PCDHGA6: variants seen among roughly 807,000 people sequenced by gnomAD.
PCDHGA6 encodes the protein protocadherin gamma subfamily A, 6.
PCDHGA6 carries 41 observed loss-of-function variants against 60.6 expected under a neutral mutation model. That is an observed-to-expected ratio of 0.68 (90% CI 0.53 to 0.88). PCDHGA6 has a LOEUF of 0.88. PCDHGA6 is among the 40% of genes least tolerant of loss of function. PCDHGA6 has a pLI of 0.00. For missense variants in PCDHGA6, 1,312 were observed against 1,203.0 expected, an observed-to-expected ratio of 1.09 and a Z score of -1.34; for synonymous variants, 594 against 524.4, an observed-to-expected ratio of 1.13 and a Z score of -1.81.
At chr5:141,410,086 G>T in intron 1 of PCDHGA6, 1 of 1,612,588 alleles carries the variant, frequency 6.2e-7, no homozygotes, top group Non-Finnish European at 8.5e-7. Flanking sequence ...AGGTGCGCAC[G>T]GCTCGAGCCT....
chr5:141,432,069 A>T lies in PCDHGA6; in HGVS notation c.2424+55562A>T. ...ACCCCGCCCCTATCCACGGAAACTC[A>T]TATCTCGCTGAACGTGGCAGACACC... is the stretch of plus-strand genomic sequence containing the variant. On this transcript the variant is annotated intron_variant, in intron 1 of 3. Coordinates refer to ENST00000517434, the MANE Select transcript of PCDHGA6 (RefSeq NM_018919.3). This position sits in a 1 kb window ranked among gnomAD's most constrained non-coding sequence, Gnocchi z 6.0. The T allele has an allele frequency of 6.2e-7, 1 of 1,614,168 alleles. No homozygotes were observed. The highest frequency in any genetic ancestry group is 8.5e-7 in the Non-Finnish European group (1 of 1,180,038).
At position 141,491,049 on chromosome 5, in the gene PCDHGA6, G is replaced by C; in HGVS notation, c.2425-3758G>C. The C allele has an allele frequency of 1.2e-6, 2 of 1,614,116 alleles. No homozygotes were observed. Among genetic ancestry groups the C allele is most frequent in the Admixed American group, 3.3e-5 (2 of 60,024 alleles). On this transcript the variant is annotated intron_variant, in intron 1 of 3. Transcript: ENST00000517434. This position sits in a 1 kb window ranked among gnomAD's most constrained non-coding sequence, Gnocchi z 6.9. ...TGGATGCTGATGCAGGCCACAATGC[G>C]TGGCTCTCCTACTCACTGTTGCCAC...
rs1029546280 is a variant in PCDHGA6 at position 141,423,551 on chromosome 5, A to G, written c.2424+47044A>G. On this transcript the variant is annotated intron_variant, in intron 1 of 3. Coordinates refer to ENST00000517434, the MANE Select transcript of PCDHGA6 (RefSeq NM_018919.3). ...AGTCACCTGATTTTCCCCCAGCCCA[A>G]CTATGGGGACACGCTCATCAGCCAG... The G allele has an allele frequency of 2.5e-6, 4 of 1,613,498 alleles. No individual in the cohort carries two copies. The African/African-American group carries it at 5.3e-5, about 22-fold the overall frequency.
In PCDHGA6 at chr5:141,486,341, C is replaced by T; in HGVS notation, c.2425-8466C>T. On this transcript the variant is annotated intron_variant, in intron 1 of 3. Coordinates refer to ENST00000517434, the MANE Select transcript of PCDHGA6 (RefSeq NM_018919.3). The surrounding 1 kb of genome is among the most constrained non-coding windows in gnomAD (Gnocchi z 5.0). ...AAACGGAGATGTGAGCCTCCGCATTCCTGACCACTTGCCATTTGCCCTCAA... is the reference window on the plus strand; with the variant it reads ...AAACGGAGATGTGAGCCTCCGCATTTCTGACCACTTGCCATTTGCCCTCAA... The T allele has an allele frequency of 6.2e-7, 1 of 1,614,128 alleles. No individual in the cohort carries two copies. Among genetic ancestry groups the T allele is most frequent in the Non-Finnish European group, 8.5e-7 (1 of 1,179,992 alleles).
rs1770228418 is a variant in PCDHGA6 at position 141,374,172 on chromosome 5, A to C, written c.89A>C (p.Gln30Pro). 6.2e-7 allele frequency: 1 copy of C among 1,613,448 alleles called. No homozygotes were observed. Among genetic ancestry groups the C allele is most frequent in the Non-Finnish European group, 8.5e-7 (1 of 1,179,728 alleles). Residue 30 changes from glutamine to proline, a missense_variant, in exon 1 of 4, where the codon CAG becomes CCG. Coordinates refer to ENST00000517434, the MANE Select transcript of PCDHGA6 (RefSeq NM_018919.3). ...ACGCTGTGGGGGGCCGCGGCAGCGC[A>C]GATCCGCTACTCTATTCCCGAGGAG... The part of the protein sequence containing the change: ...LGTLWGAAAA[Q>P]IRYSIPEELE...
At chr5:141,380,705 T>G (rs1776676195) in intron 1 of PCDHGA6, among the ~76,000 whole-genome samples, 1 of 152,242 alleles carries the variant, frequency 6.6e-6, no homozygotes, top group African/African-American at 2.4e-5. Context: ...AGTCTATAAT[T>G]TAATTTAACT....
At position 141,400,119 on chromosome 5, in the gene PCDHGA6, G is replaced by A. The variant is rs543287685; in HGVS notation, c.2424+23612G>A. ...TGCACTTGGTCTTTGCTGACAGCTTGCAGGAGGTGCTGCCGGATATCACTG... is the reference window on the plus strand; with the variant it reads ...TGCACTTGGTCTTTGCTGACAGCTTACAGGAGGTGCTGCCGGATATCACTG... On this transcript the variant is annotated intron_variant, in intron 1 of 3. Transcript: ENST00000517434. 3 of 1,614,076 alleles carry A rather than the reference G, an allele frequency of 1.9e-6. No individual in the cohort carries two copies. The Admixed American group carries it at 5.0e-5, about 27-fold the overall frequency.
intron 1 of PCDHGA6, chr5:141,409,339 T>G: frequency 6.2e-7 from 1 of 1,613,954 alleles, no homozygotes; most frequent in South Asian, 1.1e-5. Context: ...TCGGAGGAAA[T>G]GGAGAAGTCA....
chr5:141,417,414 A>G (rs1255289735), intron 1 of PCDHGA6: 1 of 157,986 alleles, frequency 6.3e-6, no homozygotes, highest in Non-Finnish European at 1.4e-5. Flanking sequence ...TTCAAGATAT[A>G]TGTAAATTCA....
intron 1 of PCDHGA6, among the ~76,000 whole-genome samples, chr5:141,461,248 C>A (rs1209563726): frequency 6.6e-6 from 1 of 152,038 alleles, no homozygotes; most frequent in Non-Finnish European, 1.5e-5. Context: ...AATTTATATT[C>A]CCAGCAGCAA....
rs751278055 is a variant in PCDHGA6, at chr5:141,375,013, G to A, written c.930G>A (p.Glu310=). ...CAACTTCTGCAAATCTAGACTATGAGGACTCGAGTTTTTATGAGCTGGGTG... is the reference window on the plus strand; with the variant it reads ...CAACTTCTGCAAATCTAGACTATGAAGACTCGAGTTTTTATGAGCTGGGTG... The part of the protein sequence containing the change: ...EISTSANLDY[E]DSSFYELGVE... The change falls in exon 1 of 4, where the codon GAG becomes GAA. Residue 310 remains glutamate, a synonymous_variant. Transcript: ENST00000517434. 6.8e-6 allele frequency: 11 copies of A among 1,613,886 alleles called. No homozygotes were observed. In the African/African-American group the frequency reaches 1.3e-4, roughly 20 times the overall value.
At chr5:141,409,217 G>A (rs1394491727) in intron 1 of PCDHGA6, 1 of 1,613,852 alleles carries the variant, frequency 6.2e-7, no homozygotes, top group Non-Finnish European at 8.5e-7. Context: ...AGAAATCCTT[G>A]ATGAAAACGA....
intron 1 of PCDHGA6, chr5:141,418,608 G>A (rs1265400499): frequency 6.2e-7 from 1 of 1,614,040 alleles, no homozygotes; most frequent in Admixed American, 1.7e-5. Flanking sequence ...TACAGGGTTA[G>A]CCTTCGGGAA....
At chr5:141,478,584 T>G in intron 1 of PCDHGA6, 1 of 1,577,982 alleles carries the variant, frequency 6.3e-7, no homozygotes, top group Non-Finnish European at 8.6e-7. Flanking sequence ...CTGTTAGTGC[T>G]TTTTTATTCC....
At chr5:141,389,119 A>G (rs1561623119) in intron 1 of PCDHGA6, 16 of 1,614,066 alleles carry the variant, frequency 9.9e-6, no homozygotes, top group Admixed American at 1.7e-5. Context: ...GACCGCGAGC[A>G]GAATCCAGAG....
chr5:141,413,352 G>C lies in PCDHGA6; in HGVS notation c.2424+36845G>C, dbSNP rs896091511. ...ACATCTCCAAGGACTTGGGTCTGGC[G>C]CCCCGGGAGCTGGCGGAGCGCGGAG... On this transcript the variant is annotated intron_variant, in intron 1 of 3. Coordinates refer to ENST00000517434, the MANE Select transcript of PCDHGA6 (RefSeq NM_018919.3). 1.9e-6 allele frequency: 3 copies of C among 1,613,858 alleles called. No homozygotes were observed. In the African/African-American group the frequency reaches 4.0e-5, roughly 22 times the overall value.
chr5:141,478,956 T>C (rs2099484450), intron 1 of PCDHGA6, among the ~76,000 whole-genome samples: 1 of 152,200 alleles, frequency 6.6e-6, no homozygotes. Context: ...AACTACCTCA[T>C]TCCTCCACCT....
At chr5:141,422,936 C>A (rs1428873210) in intron 1 of PCDHGA6, 2 of 1,614,260 alleles carry the variant, frequency 1.2e-6, no homozygotes, top group East Asian at 4.5e-5. Flanking sequence ...GCCCTCCCCA[C>A]AGACGGCTCC....
intron 1 of PCDHGA6, chr5:141,410,596 T>C: frequency 1.2e-6 from 2 of 1,608,810 alleles, no homozygotes; most frequent in Non-Finnish European, 1.7e-6. Flanking sequence ...AGGATTTGAC[T>C]TCACATCCTG....
Sources: gnomAD v4.1 joint callset for allele counts (sites outside exome capture counted in the v4.1 genomes callset) on GRCh38, gnomAD v4.1.1 for gene constraint, Gnocchi (gnomAD v3.1) non-coding constraint, MANE v1.5 for transcripts, NCBI Gene and HGNC (gene_info 2026-07-23, HGNC 2026-07-21) for gene names.